BPGM: variants seen among roughly 807,000 people sequenced by gnomAD.
The protein encoded by BPGM is 2,3-bisphosphoglycerate mutase, erythrocyte.
A neutral mutation model predicts 21.6 loss-of-function variants in BPGM; 15 were observed. The ratio of observed to expected loss-of-function variants is 0.70; its 90% confidence interval spans 0.47 to 1.07. The LOEUF is 1.07. Among genes scored for constraint, BPGM ranks in the 50% least tolerant of loss-of-function variants. The pLI, the probability that BPGM is intolerant of heterozygous loss-of-function variation, is 0.00. For missense variants in BPGM, 273 were observed against 319.0 expected (o/e 0.86, Z 1.10); for synonymous variants, 113 against 116.2 (o/e 0.97, Z 0.18).
intron 1 of BPGM, among the ~76,000 whole-genome samples, chr7:134,657,470 C>T (rs1033312951): frequency 1.4e-4 from 21 of 152,086 alleles, no homozygotes; most frequent in Admixed American, 7.9e-4. Flanking sequence ...TGTTAGTTTG[C>T]AGTTAATAAA....
chr7:134,650,895 A>G (rs1795545358), intron 1 of BPGM, among the ~76,000 whole-genome samples: 1 of 152,248 alleles, frequency 6.6e-6, no homozygotes, highest in Non-Finnish European at 1.5e-5. Flanking sequence ...ACTGCACTCC[A>G]GCCTGGGCGA....
chr7:134,647,294 C>T (rs1310974367), intron 1 of BPGM: 1 of 152,224 alleles, frequency 6.6e-6, no homozygotes, highest in Non-Finnish European at 1.5e-5. Context: ...ATAGTAAGAT[C>T]CCCTGGAAGG....
intron 2 of BPGM, among the ~76,000 whole-genome samples, chr7:134,664,354 C>T (rs367672223): frequency 3.3e-5 from 5 of 152,132 alleles, no homozygotes; most frequent in East Asian, 1.9e-4. Flanking sequence ...CGGTGTTTGT[C>T]GGCAATCTTT....
chr7:134,656,109 C>T (rs1436141729), intron 1 of BPGM, among the ~76,000 whole-genome samples: 1 of 152,172 alleles, frequency 6.6e-6, no homozygotes, highest in Non-Finnish European at 1.5e-5. Flanking sequence ...TATTCACAGT[C>T]CCACCCCAGA....
chr7:134,675,994 T>G (rs1585868468), intron 2 of BPGM, among the ~76,000 whole-genome samples: 1 of 152,232 alleles, frequency 6.6e-6, no homozygotes, highest in African/African-American at 2.4e-5. Context: ...TGCTTAATCT[T>G]TCATGTTGCT....
intron 2 of BPGM, among the ~76,000 whole-genome samples, chr7:134,665,649 G>GAAAAAAAAAAAAAAAAAAAACA (rs1795807772): frequency 1.3e-5 from 1 of 78,192 alleles, no homozygotes; most frequent in Non-Finnish European, 3.1e-5. Context: ...AAAAATTAAT[G>GAAAAAAAAAAAAAAAAAAAACA]AAAAAAAAAA....
chr7:134,663,908 C>G lies in BPGM; in HGVS notation c.601+1800C>G, dbSNP rs994648303. ...GATGATTTAACTATTTTTTACTGTT[C>G]TTTTTGAGGGAAATCGGAAAGTTTA... On this transcript the variant is annotated intron_variant, in intron 2 of 2. Coordinates refer to ENST00000344924, the MANE Select transcript of BPGM (RefSeq NM_001724.5). Among the ~76,000 whole-genome samples the G allele has an allele frequency of 5.3e-5, 8 of 152,092 alleles. No homozygotes were observed. In the East Asian group the frequency reaches 1.5e-3, roughly 29 times the overall value.
Position 134,653,073 on chromosome 7 carries a change from G to A in BPGM, c.-62+6136G>A, listed in dbSNP as rs545847663. On this transcript the variant is annotated intron_variant, in intron 1 of 2. Coordinates refer to ENST00000344924, the MANE Select transcript of BPGM (RefSeq NM_001724.5). Reference sequence around the variant, plus strand: ...TATGCATGGGTTTTACATGTAAAACGGTTGAAATAAATTAATATTTCATGT... The same window carrying A: ...TATGCATGGGTTTTACATGTAAAACAGTTGAAATAAATTAATATTTCATGT... Among the ~76,000 whole-genome samples the A allele has an allele frequency of 4.6e-5, 7 of 152,154 alleles. No individual in the cohort carries two copies. In the South Asian group the frequency reaches 1.5e-3, roughly 32 times the overall value.
intron 2 of BPGM, among the ~76,000 whole-genome samples, chr7:134,666,798 A>G (rs1245218899): frequency 6.6e-6 from 1 of 152,238 alleles, no homozygotes. Flanking sequence ...CTGTGTTAGT[A>G]AAGTTTCTCT....
chr7:134,675,825 C>T (rs531576672), intron 2 of BPGM, among the ~76,000 whole-genome samples: 2 of 152,202 alleles, frequency 1.3e-5, no homozygotes, highest in African/African-American at 4.8e-5. Context: ...AAATATTGCC[C>T]TCTTAACAGT....
rs1554411138 is a variant in BPGM, at chr7:134,658,895, T to TTTTTTTATTTTTTTTA, written c.-61-2546_-61-2545insATTTTTTTTATTTTTT. Reference sequence around the variant, plus strand: ...GTTCTGGTGTGTGTGTGTGTGTATTTTTTTTTTAGTAAAAAGAAAACAGAA... The same window carrying TTTTTTTATTTTTTTTA: ...GTTCTGGTGTGTGTGTGTGTGTATTTTTTTTTATTTTTTTTATTTTTTTAGTAAAAAGAAAACAGAA... On this transcript the variant is annotated intron_variant, in intron 1 of 2. Coordinates refer to ENST00000344924, the MANE Select transcript of BPGM (RefSeq NM_001724.5). Among the ~76,000 whole-genome samples the TTTTTTTATTTTTTTTA allele has an allele frequency of 2.0e-4, 31 of 151,740 alleles. 1 individual carries two copies. Among genetic ancestry groups the TTTTTTTATTTTTTTTA allele is most frequent in the African/African-American group, 6.3e-4 (26 of 41,288 alleles).
chr7:134,669,616 A>G (rs888751933), intron 2 of BPGM, among the ~76,000 whole-genome samples: 1 of 152,202 alleles, frequency 6.6e-6, no homozygotes, highest in Admixed American at 6.5e-5. Flanking sequence ...AAACACTGAA[A>G]CCACATGTCA....
rs1178801075 is a variant in BPGM, at chr7:134,661,530, T to C, written c.23T>C (p.Met8Thr). Residue 8 changes from methionine (M) to threonine (T), a missense_variant, in exon 2 of 3, where the codon ATG becomes ACG. Coordinates refer to ENST00000344924, the MANE Select transcript of BPGM (RefSeq NM_001724.5). The surrounding 1 kb of genome is among the most constrained non-coding windows in gnomAD (Gnocchi z 4.6). The stretch of plus-strand genomic sequence containing the variant: ...AGTATGTCCAAGTACAAACTTATTA[T>C]GTTAAGACATGGAGAGGGTGCTTGG... MSKYKLIMLRHGEGAWNK... is the reference protein window; with the variant it reads MSKYKLITLRHGEGAWNK... The C allele has an allele frequency of 1.2e-6, 2 of 1,614,064 alleles. No individual in the cohort carries two copies. The highest frequency in any genetic ancestry group is 1.7e-6 in the Non-Finnish European group (2 of 1,180,014).
chr7:134,655,071 A>G (rs1398686946), intron 1 of BPGM, among the ~76,000 whole-genome samples: 1 of 152,254 alleles, frequency 6.6e-6, no homozygotes, highest in Non-Finnish European at 1.5e-5. Context: ...ATTGATTAAA[A>G]TCGGTACTTA....
chr7:134,653,933 C>G (rs926383205), intron 1 of BPGM, among the ~76,000 whole-genome samples: 1 of 152,084 alleles, frequency 6.6e-6, no homozygotes, highest in African/African-American at 2.4e-5. Context: ...TGTACCTGTT[C>G]CTTTGCCTTC....
chr7:134,665,655 A>AAAAAAG (rs1795808835), intron 2 of BPGM, among the ~76,000 whole-genome samples: 1 of 144,416 alleles, frequency 6.9e-6, no homozygotes, highest in Non-Finnish European at 1.5e-5. Flanking sequence ...TAATGAAAAA[A>AAAAAAG]AAAAAAAAAA....
intron 1 of BPGM, among the ~76,000 whole-genome samples, chr7:134,653,256 A>G (rs910194532): frequency 2.6e-5 from 4 of 152,226 alleles, no homozygotes; most frequent in Admixed American, 1.3e-4. Context: ...TAGCCTAGAA[A>G]GCCTAAAAAA....
chr7:134,676,669 A>C (rs1205009684), intron 2 of BPGM, among the ~76,000 whole-genome samples: 2 of 152,172 alleles, frequency 1.3e-5, no homozygotes, highest in Non-Finnish European at 2.9e-5. Flanking sequence ...AGTTCATTGG[A>C]GGTAAAATCT....
At chr7:134,674,189 A>G (rs1386002136) in intron 2 of BPGM, among the ~76,000 whole-genome samples, 2 of 152,106 alleles carry the variant, frequency 1.3e-5, no homozygotes, top group Non-Finnish European at 2.9e-5. Flanking sequence ...CTGAGATTAG[A>G]GGCATGAGCC....
Sources: allele counts gnomAD v4.1 joint callset (sites outside exome capture counted in the v4.1 genomes callset), GRCh38; gene constraint gnomAD v4.1.1; non-coding constraint Gnocchi (gnomAD v3.1); transcripts MANE v1.5; gene names NCBI Gene and HGNC (gene_info 2026-07-23, HGNC 2026-07-21).